EPS15: variants seen among roughly 807,000 people sequenced by gnomAD.
EPS15 encodes epidermal growth factor receptor substrate 15.
A neutral mutation model predicts 113.8 loss-of-function variants in EPS15; 72 were observed. The observed-to-expected ratio is 0.63, with a 90% confidence interval of 0.52 to 0.77. The LOEUF (loss-of-function observed/expected upper bound fraction) is 0.77. EPS15 is among the 30% of genes least tolerant of loss of function. The pLI, the probability that EPS15 is intolerant of heterozygous loss-of-function variation, is 0.00. For synonymous variants in EPS15, 344 were observed against 363.4 expected, an observed-to-expected ratio of 0.95 and a Z score of 0.61; for missense variants, 1,048 against 1,045.8, an observed-to-expected ratio of 1.00 and a Z score of -0.03.
intron 24 of EPS15, among the ~76,000 whole-genome samples, chr1:51,358,784 G>A (rs987547745): frequency 1.6e-4 from 22 of 138,894 alleles, no homozygotes; most frequent in East Asian, 6.8e-4. Context: ...ATCAGCTCCC[G>A]CAACCTCTGC....
intron 13 of EPS15, among the ~76,000 whole-genome samples, chr1:51,414,510 C>T (rs977887065): frequency 6.6e-6 from 1 of 151,926 alleles, no homozygotes; most frequent in Non-Finnish European, 1.5e-5. Context: ...ATATGCTGGT[C>T]CCAAAAGCAT....
chr1:51,415,010 A>G (rs1409048529), intron 13 of EPS15, among the ~76,000 whole-genome samples: 2 of 152,152 alleles, frequency 1.3e-5, no homozygotes, highest in African/African-American at 4.8e-5. Context: ...AGAAAATGTC[A>G]AGTTTGCTGT....
At chr1:51,379,212 C>T (rs985045757) in intron 21 of EPS15, among the ~76,000 whole-genome samples, 3 of 152,210 alleles carry the variant, frequency 2.0e-5, no homozygotes, top group East Asian at 1.9e-4. Flanking sequence ...CTCTGCCTCC[C>T]GGGTTCAAGT....
intron 21 of EPS15, among the ~76,000 whole-genome samples, chr1:51,390,558 C>A (rs1339105791): frequency 6.6e-6 from 1 of 151,366 alleles, no homozygotes; most frequent in Non-Finnish European, 1.5e-5. Context: ...ATTTTTGCAA[C>A]CTACTCATCT....
In EPS15 at chr1:51,409,498, G is replaced by C. The variant is rs781187704; in HGVS notation, c.1275+37C>G. ...TCTTAAGCCAGGAAAAGCAACTAAT[G>C]TATAGGTGCAGGCAGCAGGAAACAG... On this transcript the variant is annotated intron_variant, in intron 14 of 24. Transcript: ENST00000371733. 1.9e-6 allele frequency: 3 copies of C among 1,560,656 alleles called. No individual in the cohort carries two copies. In the African/African-American group the frequency reaches 4.2e-5, roughly 22 times the overall value.
At chr1:51,511,131 A>C (rs1396823521) in intron 1 of EPS15, among the ~76,000 whole-genome samples, 1 of 151,968 alleles carries the variant, frequency 6.6e-6, no homozygotes, top group Non-Finnish European at 1.5e-5. Context: ...ACACCACTGC[A>C]CTCCAGCCTG....
chr1:51,444,619 G>A (rs1378015949), intron 11 of EPS15, among the ~76,000 whole-genome samples: 1 of 152,016 alleles, frequency 6.6e-6, no homozygotes, highest in African/African-American at 2.4e-5. Flanking sequence ...ACAAATCCAG[G>A]AAAGGAAAAA....
intron 1 of EPS15, among the ~76,000 whole-genome samples, chr1:51,518,015 G>A (rs1348700051): frequency 1.3e-5 from 2 of 152,144 alleles, no homozygotes; most frequent in Admixed American, 6.6e-5. Flanking sequence ...TCTAGGCCAA[G>A]GAGTACAAGA....
chr1:51,429,383 C>G (rs1354143041), intron 12 of EPS15, among the ~76,000 whole-genome samples: 1 of 151,510 alleles, frequency 6.6e-6, no homozygotes, highest in East Asian at 1.9e-4. Flanking sequence ...ATTTTAACCA[C>G]TTTAAGTGTA....
intron 13 of EPS15, among the ~76,000 whole-genome samples, chr1:51,410,340 G>A (rs2148432617): frequency 6.6e-6 from 1 of 151,374 alleles, no homozygotes; most frequent in South Asian, 2.1e-4. Flanking sequence ...GCAGTGAGCT[G>A]TGATCATGCC....
At chr1:51,447,945 G>A in intron 9 of EPS15, 101 bp downstream of exon 9, 1 of 1,493,164 alleles carries the variant, frequency 6.7e-7, no homozygotes, top group Non-Finnish European at 8.9e-7. Context: ...CTGTCTTAAT[G>A]GTGCTTTGGT....
chr1:51,400,879 A>G, intron 19 of EPS15, 39 bp downstream of exon 19: 1 of 1,440,468 alleles, frequency 6.9e-7, no homozygotes, highest in Non-Finnish European at 9.6e-7. Flanking sequence ...TTAAGCAGAA[A>G]TGAATGAAAG....
At chr1:51,509,668 G>A (rs1330931056) in intron 1 of EPS15, among the ~76,000 whole-genome samples, 1 of 152,174 alleles carries the variant, frequency 6.6e-6, no homozygotes, top group East Asian at 1.9e-4. Flanking sequence ...CACTAACCTA[G>A]ACAAGCTTAG....
chr1:51,414,697 A>G (rs1171797351), intron 13 of EPS15, among the ~76,000 whole-genome samples: 1 of 152,258 alleles, frequency 6.6e-6, no homozygotes, highest in Non-Finnish European at 1.5e-5. Flanking sequence ...GTCTCTAATA[A>G]TATCTTTAAA....
intron 4 of EPS15, among the ~76,000 whole-genome samples, chr1:51,470,977 G>T (rs1047710496): frequency 1.3e-5 from 2 of 152,090 alleles, no homozygotes; most frequent in Admixed American, 6.6e-5. Flanking sequence ...CCAGAGACAT[G>T]AACAGGGACT....
At chr1:51,518,327 A>G (rs1484052313) in intron 1 of EPS15, 1 of 152,576 alleles carries the variant, frequency 6.6e-6, no homozygotes, top group Non-Finnish European at 1.5e-5. Flanking sequence ...GGGAAGCTCG[A>G]GAACAGGTTT....
chr1:51,461,014 G>T, intron 8 of EPS15, 77 bp downstream of exon 8: 2 of 948,698 alleles, frequency 2.1e-6, no homozygotes, highest in Non-Finnish European at 3.4e-6. Flanking sequence ...TTCCTCTAAG[G>T]ATGAACTAAA....
intron 21 of EPS15, among the ~76,000 whole-genome samples, chr1:51,366,469 AAGAC>A (rs1392799476): frequency 5.3e-5 from 8 of 152,324 alleles, no homozygotes; most frequent in Admixed American, 2.6e-4. Context: ...GACACCCACA[AAGAC>A]AGACTGTATA....
At chr1:51,481,428 T>C in intron 1 of EPS15, 114 bp from the exon 2 acceptor site, 1 of 646,028 alleles carries the variant, frequency 1.5e-6, no homozygotes, top group Non-Finnish European at 2.8e-6. Flanking sequence ...AAAATATCCT[T>C]GATTTCAGGG....
Sources: allele counts gnomAD v4.1 joint callset (sites outside exome capture counted in the v4.1 genomes callset), GRCh38; gene constraint gnomAD v4.1.1; transcripts MANE v1.5; gene names NCBI Gene and HGNC (gene_info 2026-07-23, HGNC 2026-07-21).